The following PARVA variants were observed in gnomAD, a reference collection of about 807,000 sequenced individuals.
PARVA encodes the protein alpha-parvin.
Under a neutral mutation model 52.6 loss-of-function variants are expected in PARVA, and 25 were observed. The ratio of observed to expected loss-of-function variants is 0.48; its 90% CI spans 0.35 to 0.66. PARVA has a LOEUF of 0.66. Among genes scored for constraint, PARVA ranks in the 30% least tolerant of loss-of-function variants. The pLI, the probability that PARVA is intolerant of heterozygous loss-of-function variation, is 0.01. For synonymous variants in PARVA, 185 were observed against 179.1 expected (o/e 1.03, Z -0.26); for missense variants, 373 against 450.9 (o/e 0.83, Z 1.56).
rs753395319 is a variant in PARVA, at chr11:12,504,390, A to G, written c.618A>G (p.Arg206=). The change falls in exon 6 of 13, where the codon CGA becomes CGG. Residue 206 remains arginine (R), a synonymous_variant. Transcript: ENST00000334956. ...CTCAGTATTTCCGCGCACCAATTCG[A>G]CTCCCAGACCATGTTTCCATCCAAG... ...ALSQYFRAPI[R]LPDHVSIQVV... is the part of the protein sequence containing the mutation. 6.2e-7 allele frequency: 1 copy of G among 1,613,278 alleles called. No individual in the cohort carries two copies. The highest frequency in any genetic ancestry group is 8.5e-7 in the Non-Finnish European group (1 of 1,179,570).
intron 1 of PARVA, among the ~76,000 whole-genome samples, chr11:12,472,671 G>A (rs1015257980): frequency 6.6e-5 from 10 of 150,792 alleles, no homozygotes; most frequent in Admixed American, 5.9e-4. Context: ...CTGGCAATTG[G>A]TGAGGCCAGA....
At chr11:12,484,187 G>A (rs1017518001) in intron 4 of PARVA, among the ~76,000 whole-genome samples, 14 of 152,200 alleles carry the variant, frequency 9.2e-5, no homozygotes, top group African/African-American at 2.9e-4. Flanking sequence ...GCGATTCCAG[G>A]AAGATGCCTA....
At chr11:12,433,868 G>C (rs964730622) in intron 1 of PARVA, among the ~76,000 whole-genome samples, 1 of 152,158 alleles carries the variant, frequency 6.6e-6, no homozygotes, top group Non-Finnish European at 1.5e-5. Flanking sequence ...CAAGTACCGT[G>C]CCTCCTTTAC....
intron 1 of PARVA, among the ~76,000 whole-genome samples, chr11:12,387,573 G>GTA (rs1293284977): frequency 6.6e-6 from 1 of 151,770 alleles, no homozygotes; most frequent in East Asian, 1.9e-4. Flanking sequence ...GTGTGTGTGT[G>GTA]TATGTAGCTT....
chr11:12,456,016 T>C (rs1211322748), intron 1 of PARVA, among the ~76,000 whole-genome samples: 2 of 152,220 alleles, frequency 1.3e-5, no homozygotes, highest in Non-Finnish European at 2.9e-5. Flanking sequence ...CACCTTGCTG[T>C]CTCTTTGCAT....
upstream of PARVA, chr11:12,377,447 C>G: frequency 7.2e-7 from 1 of 1,383,318 alleles, no homozygotes; most frequent in Non-Finnish European, 9.3e-7. Context: ...GAGCGCAGCT[C>G]CTTCCAGGGC....
intron 1 of PARVA, among the ~76,000 whole-genome samples, chr11:12,396,781 A>C (rs911059330): frequency 3.3e-5 from 5 of 152,204 alleles, no homozygotes; most frequent in African/African-American, 1.2e-4. Flanking sequence ...GGTAAAACAG[A>C]ATTTTTAAAG....
At chr11:12,477,654 A>AGGAAGATCACTTGAGCCT (rs1554899217) in intron 3 of PARVA, among the ~76,000 whole-genome samples, 193 bp from the exon 4 acceptor site, 2 of 152,018 alleles carry the variant, frequency 1.3e-5, no homozygotes, top group Non-Finnish European at 2.9e-5. Flanking sequence ...AGGTTGAGGC[A>AGGAAGATCACTTGAGCCT]GGAAGATCAC....
At chr11:12,477,821 C>G in intron 3 of PARVA, 26 bp from the exon 4 acceptor site, 1 of 1,203,040 alleles carries the variant, frequency 8.3e-7, no homozygotes, top group South Asian at 1.2e-5. Flanking sequence ...CTTACTATTG[C>G]ACATTCCCTT....
At chr11:12,428,297 A>G (rs1256301804) in intron 1 of PARVA, among the ~76,000 whole-genome samples, 1 of 152,188 alleles carries the variant, frequency 6.6e-6, no homozygotes, top group Non-Finnish European at 1.5e-5. Context: ...TTCCTTTTCC[A>G]TATAGAGTCT....
At chr11:12,509,345 G>C (rs538084618) in intron 7 of PARVA, among the ~76,000 whole-genome samples, 2 of 152,304 alleles carry the variant, frequency 1.3e-5, no homozygotes, top group South Asian at 4.1e-4. Flanking sequence ...AACCCAACTT[G>C]AGTTCAAATA....
upstream of PARVA, chr11:12,377,257 G>A (rs1055796059): frequency 4.2e-5 from 18 of 424,204 alleles, no homozygotes; most frequent in Non-Finnish European, 4.0e-6. Flanking sequence ...TAGCAGGGTT[G>A]GGTTGGTTCT....
chr11:12,402,411 C>A (rs1939841174), intron 1 of PARVA, among the ~76,000 whole-genome samples: 1 of 152,196 alleles, frequency 6.6e-6, no homozygotes, highest in African/African-American at 2.4e-5. Context: ...TCTGGAGGGG[C>A]AAGTGGATAT....
rs148718520 is a variant in PARVA at position 12,449,748 on chromosome 11, G to A, written c.137-23997G>A. Among the ~76,000 whole-genome samples the A allele has an allele frequency of 5.0e-3, 768 of 152,298 alleles. 4 individuals are homozygous for A. The highest frequency in any genetic ancestry group is 0.016 in the South Asian group (78 of 4,826). ...CTGTGGGAGTGGGGGATTGCTACTG[G>A]CATTTAGTGGGTAGGGGCCAGGGAT... is the stretch of plus-strand genomic sequence containing the variant. On this transcript the variant is annotated intron_variant, in intron 1 of 12. Coordinates refer to ENST00000334956, the MANE Select transcript of PARVA (RefSeq NM_018222.5).
At chr11:12,428,335 A>C (rs767785745) in intron 1 of PARVA, among the ~76,000 whole-genome samples, 3 of 152,188 alleles carry the variant, frequency 2.0e-5, no homozygotes, top group Non-Finnish European at 4.4e-5. Flanking sequence ...AAGGAAGGAA[A>C]GTAAGAGGAA....
intron 12 of PARVA, among the ~76,000 whole-genome samples, chr11:12,522,809 G>C (rs1322801099): frequency 6.6e-6 from 1 of 150,718 alleles, no homozygotes; most frequent in Non-Finnish European, 1.5e-5. Context: ...AAAACAGACA[G>C]CTCATGTAAC....
chr11:12,377,877 C>G (rs990984195), intron 1 of PARVA, 94 bp downstream of exon 1: 3 of 853,964 alleles, frequency 3.5e-6, no homozygotes, highest in East Asian at 8.6e-5. Flanking sequence ...GGGAGCGCGC[C>G]GCGGGTGCCC....
intron 1 of PARVA, among the ~76,000 whole-genome samples, chr11:12,419,576 A>G (rs993311879): frequency 6.6e-6 from 1 of 152,182 alleles, no homozygotes; most frequent in Non-Finnish European, 1.5e-5. Context: ...GCTGCTCTGG[A>G]CATGGGTGTA....
intron 1 of PARVA, among the ~76,000 whole-genome samples, chr11:12,465,167 T>G (rs1940837766): frequency 6.6e-6 from 1 of 151,914 alleles, no homozygotes; most frequent in Admixed American, 6.6e-5. Context: ...ATCCTGGGGG[T>G]TGGGGATGCC....
Sources: gnomAD v4.1 joint callset for allele counts (sites outside exome capture counted in the v4.1 genomes callset) on GRCh38, gnomAD v4.1.1 for gene constraint, MANE v1.5 for transcripts, NCBI Gene and HGNC (gene_info 2026-07-23, HGNC 2026-07-21) for gene names.